RANBP2: variants seen among roughly 807,000 people sequenced by gnomAD.
RANBP2 encodes E3 SUMO-protein ligase RanBP2.
A neutral mutation model predicts 303.6 loss-of-function variants in RANBP2; 57 were observed. That is an observed-to-expected ratio of 0.19 (90% CI 0.15 to 0.23). RANBP2 has a LOEUF of 0.23. RANBP2 is among the 10% of genes least tolerant of loss of function. The pLI, the probability that RANBP2 is intolerant of heterozygous loss-of-function variation, is 1.00. For synonymous variants in RANBP2, 1,167 were observed against 1,301.5 expected (o/e 0.90, Z 2.23); for missense variants, 3,138 against 3,780.8 (o/e 0.83, Z 4.46).
chr2:108,919,534 T>C, the RANBP2 span, among the ~76,000 whole-genome samples: 24 of 152,236 alleles, frequency 1.6e-4, no homozygotes, highest in Admixed American at 8.5e-4. Flanking sequence ...AATTTTGTAT[T>C]TTTAGTAGAG....
At chr2:109,565,770 A>G in the RANBP2 span, 7 of 1,613,464 alleles carry the variant, frequency 4.3e-6, no homozygotes, top group Admixed American at 1.0e-4. Context: ...TACCTTGTAC[A>G]ACACCCCAAG....
the RANBP2 span, among the ~76,000 whole-genome samples, chr2:108,984,383 C>G: frequency 6.6e-6 from 1 of 152,192 alleles, no homozygotes; most frequent in African/African-American, 2.4e-5. Context: ...TCCGCCCTGA[C>G]TTGACTTCTG....
chr2:109,311,415 C>A, the RANBP2 span, among the ~76,000 whole-genome samples: 1 of 141,190 alleles, frequency 7.1e-6, no homozygotes, highest in Non-Finnish European at 1.5e-5. Flanking sequence ...TGGAAGCATT[C>A]CCTTTGAAAA....
At chr2:108,865,442 T>C in the RANBP2 span, among the ~76,000 whole-genome samples, 10,454 of 152,260 alleles carry the variant, frequency 0.069, 412 homozygotes, top group African/African-American at 0.097. Context: ...GGGGAAAATA[T>C]TTCCTTGTTT....
At chr2:109,527,947 AGGAGGATGTGCAGAGT>A in the RANBP2 span, among the ~76,000 whole-genome samples, 18 of 152,136 alleles carry the variant, frequency 1.2e-4, no homozygotes, top group Non-Finnish European at 5.9e-5. Flanking sequence ...CTGGAGGGCG[AGGAGGATGTGCAGAGT>A]GGAGACCCCT....
chr2:109,714,296 A>C, the RANBP2 span, among the ~76,000 whole-genome samples: 6 of 151,626 alleles, frequency 4.0e-5, no homozygotes, highest in Non-Finnish European at 8.8e-5. Flanking sequence ...CTTTTTTAAA[A>C]GTTTTTATTT....
the RANBP2 span, among the ~76,000 whole-genome samples, chr2:109,454,529 C>G: frequency 6.6e-6 from 1 of 152,196 alleles, no homozygotes; most frequent in Non-Finnish European, 1.5e-5. Flanking sequence ...GCGCTCCCGC[C>G]GGCTGCCTGA....
chr2:109,729,543 G>A, the RANBP2 span, among the ~76,000 whole-genome samples: 1 of 152,094 alleles, frequency 6.6e-6, no homozygotes, highest in Non-Finnish European at 1.5e-5. Context: ...CCAGCTACAC[G>A]GGAGGTTGAG....
At chr2:109,677,413 A>G in the RANBP2 span, among the ~76,000 whole-genome samples, 7 of 152,068 alleles carry the variant, frequency 4.6e-5, no homozygotes, top group Non-Finnish European at 7.3e-5. Context: ...CTTTGTCCCT[A>G]TCCGTGACTT....
chr2:109,126,364 G>T, the RANBP2 span, among the ~76,000 whole-genome samples: 5 of 152,236 alleles, frequency 3.3e-5, no homozygotes, highest in Admixed American at 1.3e-4. Context: ...TGAGGGCAGA[G>T]ATGTGGCGGT....
chr2:109,544,016 G>A, the RANBP2 span: 6 of 763,312 alleles, frequency 7.9e-6, no homozygotes, highest in Admixed American at 1.2e-4. Context: ...AAAGGTGTCG[G>A]GTGGGGAATT....
At chr2:109,503,990 T>TG in the RANBP2 span, 1 of 152,156 alleles carries the variant, frequency 6.6e-6, no homozygotes, top group Admixed American at 6.5e-5. Flanking sequence ...AGGAGAGCGA[T>TG]GCGTGGGTCT....
the RANBP2 span, among the ~76,000 whole-genome samples, chr2:109,256,892 A>G: frequency 2.0e-5 from 3 of 152,052 alleles, no homozygotes; most frequent in African/African-American, 7.2e-5. Context: ...TACCTAATTG[A>G]ATGGCATTTT....
chr2:109,054,631 T>C, the RANBP2 span, among the ~76,000 whole-genome samples: 122 of 140,620 alleles, frequency 8.7e-4, no homozygotes, highest in African/African-American at 3.1e-3. Context: ...ACTAGGGAGG[T>C]GGAGGTTGCA....
the RANBP2 span, among the ~76,000 whole-genome samples, chr2:109,645,541 C>G: frequency 6.6e-6 from 1 of 152,226 alleles, no homozygotes; most frequent in Non-Finnish European, 1.5e-5. Context: ...ATGTGCTAAA[C>G]AAACCAAGCC....
chr2:108,931,095 C>T, the RANBP2 span: 2 of 1,359,394 alleles, frequency 1.5e-6, no homozygotes, highest in Non-Finnish European at 2.1e-6. Context: ...GTCTGGCTAC[C>T]TTTATTTAAC....
chr2:109,426,896 C>T, the RANBP2 span, among the ~76,000 whole-genome samples: 1 of 152,030 alleles, frequency 6.6e-6, no homozygotes, highest in Non-Finnish European at 1.5e-5. Flanking sequence ...AAGACAAGAC[C>T]CTCTACCAGC....
chr2:108,811,601 C>T, the RANBP2 span, among the ~76,000 whole-genome samples: 14 of 151,900 alleles, frequency 9.2e-5, no homozygotes, highest in Admixed American at 4.6e-4. Flanking sequence ...TTCAAAAAGC[C>T]ACTTTTCATT....
At chr2:109,585,894 A>T in the RANBP2 span, 5 of 1,349,260 alleles carry the variant, frequency 3.7e-6, no homozygotes, top group East Asian at 9.3e-5. Context: ...TTTGACTTAA[A>T]TAGGATGTAG....
Sources: gnomAD v4.1 joint callset for allele counts (sites outside exome capture counted in the v4.1 genomes callset) on GRCh38, gnomAD v4.1.1 for gene constraint, MANE v1.5 for transcripts, NCBI Gene and HGNC (gene_info 2026-07-23, HGNC 2026-07-21) for gene names.